Variants in RUNDC3B observed in about 807,000 individuals in gnomAD.
RUNDC3B encodes RUN domain-containing protein 3B.
A neutral mutation model predicts 58.4 loss-of-function variants in RUNDC3B; 33 were observed. The ratio of observed to expected loss-of-function variants is 0.56; its 90% CI spans 0.43 to 0.75. RUNDC3B has a LOEUF of 0.75. Among genes scored for constraint, RUNDC3B ranks in the 30% least tolerant of loss-of-function variants. RUNDC3B has a pLI of 0.00. For synonymous variants in RUNDC3B, 193 were observed against 195.2 expected (o/e 0.99, Z 0.10); for missense variants, 501 against 535.7 (o/e 0.94, Z 0.64).
At chr7:87,752,014 T>A (rs1231372553) in intron 6 of RUNDC3B, among the ~76,000 whole-genome samples, 2 of 152,242 alleles carry the variant, frequency 1.3e-5, no homozygotes, top group African/African-American at 4.8e-5. Context: ...TGTGGGTTTG[T>A]CGTAGATAGC....
chr7:87,633,933 G>T (rs1444197215), intron 1 of RUNDC3B, among the ~76,000 whole-genome samples: 1 of 152,182 alleles, frequency 6.6e-6, no homozygotes, highest in Non-Finnish European at 1.5e-5. Flanking sequence ...TAACAGTTCT[G>T]TAGGTTGTAC....
In RUNDC3B at chr7:87,687,036, G is replaced by GA. The variant is rs529722991; in HGVS notation, c.239-13379dup. Among the ~76,000 whole-genome samples the GA allele has an allele frequency of 4.0e-5, 6 of 151,776 alleles. No homozygotes were observed. The East Asian group carries it at 7.7e-4, about 20-fold the overall frequency. On this transcript the variant is annotated intron_variant, in intron 2 of 10. Coordinates refer to ENST00000394654, the MANE Select transcript of RUNDC3B (RefSeq NM_001134405.2). ...AATTAGAAATGTAGCACTTATTAAA[G>GA]AAAAAATGATTAAATGTAAGACACT... is the stretch of plus-strand genomic sequence containing the variant.
intron 2 of RUNDC3B, among the ~76,000 whole-genome samples, chr7:87,665,664 G>C (rs1825154968): frequency 6.6e-6 from 1 of 152,030 alleles, no homozygotes; most frequent in African/African-American, 2.4e-5. Flanking sequence ...GTACGTGAAA[G>C]GTAGTTTTTG....
At chr7:87,645,865 A>G (rs1822952499) in intron 1 of RUNDC3B, among the ~76,000 whole-genome samples, 1 of 152,168 alleles carries the variant, frequency 6.6e-6, no homozygotes. Context: ...ACTCTAAGGG[A>G]TTGATTTGCC....
chr7:87,797,054 A>G (rs1835858075), intron 8 of RUNDC3B, among the ~76,000 whole-genome samples: 1 of 152,196 alleles, frequency 6.6e-6, no homozygotes, highest in Non-Finnish European at 1.5e-5. Flanking sequence ...TAAAAGTAAT[A>G]TTAGTTTATG....
intron 8 of RUNDC3B, among the ~76,000 whole-genome samples, chr7:87,785,054 C>G (rs1324205633): frequency 6.6e-6 from 1 of 152,006 alleles, no homozygotes; most frequent in East Asian, 1.9e-4. Context: ...GATCCCCAGG[C>G]AGTGTGTTGG....
chr7:87,751,021 T>A (rs140460625), intron 6 of RUNDC3B, among the ~76,000 whole-genome samples: 3,809 of 152,294 alleles, frequency 0.025, 64 homozygotes, highest in Middle Eastern at 0.061. Flanking sequence ...AGGTCTAACG[T>A]TTAAGTCTTT....
chr7:87,777,654 A>C (rs1312974178), intron 7 of RUNDC3B, 144 bp from the exon 8 acceptor site: 2 of 592,400 alleles, frequency 3.4e-6, no homozygotes, highest in Non-Finnish European at 5.7e-6. Flanking sequence ...ATTAAGACAA[A>C]TTTTTTACTA....
intron 8 of RUNDC3B, among the ~76,000 whole-genome samples, chr7:87,796,848 G>A (rs1336184949): frequency 3.9e-5 from 6 of 152,158 alleles, no homozygotes; most frequent in Non-Finnish European, 5.9e-5. Flanking sequence ...AAAGCTGTAT[G>A]AAGAAATAAA....
chr7:87,727,139 T>C (rs1433473998), intron 4 of RUNDC3B, among the ~76,000 whole-genome samples: 1 of 152,190 alleles, frequency 6.6e-6, no homozygotes, highest in Non-Finnish European at 1.5e-5. Context: ...ATAGGAGTGG[T>C]GAGAGAGGGC....
At position 87,715,365 on chromosome 7, in the gene RUNDC3B, TATA is replaced by T. The variant is rs560102693; in HGVS notation, c.458+4716_458+4718del. ...TTATAATAATTATATATAATTAATT[TATA>T]ATAATTATATAATCAATATAATATA... On this transcript the variant is annotated intron_variant, in intron 4 of 10. Coordinates refer to ENST00000394654, the MANE Select transcript of RUNDC3B (RefSeq NM_001134405.2). Among the ~76,000 whole-genome samples, 7 of 118,368 alleles carry T rather than the reference TATA, an allele frequency of 5.9e-5. 1 individual carries two copies. The highest frequency in any genetic ancestry group is 7.2e-5 in the African/African-American group (2 of 27,804). The allele number at this position is 118,368 out of a possible 152,430, so 77.7% of individuals were successfully genotyped here.
At chr7:87,807,943 T>G (rs185351798) in intron 9 of RUNDC3B, among the ~76,000 whole-genome samples, 53 of 152,248 alleles carry the variant, frequency 3.5e-4, no homozygotes, top group African/African-American at 1.2e-3. Context: ...GTAGAAGATA[T>G]AATCACTTCA....
intron 6 of RUNDC3B, among the ~76,000 whole-genome samples, chr7:87,762,109 C>T (rs114366544): frequency 6.8e-4 from 103 of 151,462 alleles, no homozygotes; most frequent in African/African-American, 2.5e-3. Context: ...AGAATGTTTT[C>T]TTCTATTCTT....
At chr7:87,821,210 A>G (rs569349443) in intron 10 of RUNDC3B, among the ~76,000 whole-genome samples, 12 of 152,202 alleles carry the variant, frequency 7.9e-5, no homozygotes, top group South Asian at 4.1e-4. Flanking sequence ...TACAAAATCA[A>G]TGTACAAAAC....
At position 87,772,870 on chromosome 7, in the gene RUNDC3B, G is replaced by A. The variant is rs569503182; in HGVS notation, c.798+2121G>A. On this transcript the variant is annotated intron_variant, in intron 7 of 10. Coordinates refer to ENST00000394654, the MANE Select transcript of RUNDC3B (RefSeq NM_001134405.2). ...ATTTAGCTGTATGCTATTGATAAGA[G>A]AGACACATAACACATAATGACATAA... 2.2e-4 allele frequency among the ~76,000 whole-genome samples: 34 copies of A among 151,862 alleles called. No individual in the cohort carries two copies. In the South Asian group the frequency reaches 6.9e-3, roughly 31 times the overall value.
intron 6 of RUNDC3B, among the ~76,000 whole-genome samples, chr7:87,768,761 T>G (rs1834110852): frequency 6.6e-6 from 1 of 152,166 alleles, no homozygotes; most frequent in African/African-American, 2.4e-5. Context: ...TCCCAGCTGT[T>G]TCCTGCATGG....
chr7:87,728,182 A>G (rs1247018577), intron 4 of RUNDC3B, among the ~76,000 whole-genome samples: 1 of 152,204 alleles, frequency 6.6e-6, no homozygotes, highest in Non-Finnish European at 1.5e-5. Context: ...TATAAAATTC[A>G]TACAAGATCC....
Position 87,751,245 on chromosome 7 carries a change from GT to G in RUNDC3B, c.629+9670del, listed in dbSNP as rs1433217877. 2.0e-5 allele frequency among the ~76,000 whole-genome samples: 3 copies of G among 152,198 alleles called. No individual in the cohort carries two copies. In the East Asian group the frequency reaches 5.8e-4, roughly 29 times the overall value. On this transcript the variant is annotated intron_variant, in intron 6 of 10. Coordinates refer to ENST00000394654, the MANE Select transcript of RUNDC3B (RefSeq NM_001134405.2). ...TTCTGTTCCATTGATCTATATCTCT[GT>G]TTTGGTACCAGTACCATGCTGTTTT...
chr7:87,640,266 A>T (rs10280686), intron 1 of RUNDC3B, among the ~76,000 whole-genome samples: 7,312 of 151,426 alleles, frequency 0.048, 266 homozygotes, highest in East Asian at 0.09. Context: ...TAGGAAATAC[A>T]CATTTATATT....
Sources: allele counts gnomAD v4.1 joint callset (sites outside exome capture counted in the v4.1 genomes callset), GRCh38; gene constraint gnomAD v4.1.1; transcripts MANE v1.5; gene names NCBI Gene and HGNC (gene_info 2026-07-23, HGNC 2026-07-21).